The following PDE1A variants were observed in gnomAD, a reference collection of about 807,000 sequenced individuals.
The protein encoded by PDE1A is dual specificity calcium/calmodulin-dependent 3',5'-cyclic nucleotide phosphodiesterase 1A.
PDE1A carries 35 observed loss-of-function variants against 61.7 expected under a neutral mutation model. The ratio of observed to expected loss-of-function variants is 0.57; its 90% CI spans 0.43 to 0.75. The LOEUF (loss-of-function observed/expected upper bound fraction) is 0.75, where lower values mean the gene tolerates loss of function less well. PDE1A is among the 30% of genes least tolerant of loss of function. The pLI is 0.00. For synonymous variants in PDE1A, 232 were observed against 213.2 expected, an observed-to-expected ratio of 1.09 and a Z score of -0.77; for missense variants, 597 against 630.6, an observed-to-expected ratio of 0.95 and a Z score of 0.57.
At chr2:182,239,661 A>G (rs1690343726) in intron 3 of PDE1A, among the ~76,000 whole-genome samples, 2 of 149,824 alleles carry the variant, frequency 1.3e-5, no homozygotes, top group Admixed American at 6.7e-5. Context: ...TTCCTCCATT[A>G]TGGAAAGAAG....
intron 1 of PDE1A, among the ~76,000 whole-genome samples, chr2:182,393,929 T>G (rs373593225): frequency 1.3e-5 from 2 of 152,308 alleles, no homozygotes; most frequent in South Asian, 4.1e-4. Context: ...AACAAGTCTC[T>G]AGGAAGTTCC....
chr2:182,560,594 G>A, the PDE1A span, among the ~76,000 whole-genome samples: 4 of 152,006 alleles, frequency 2.6e-5, no homozygotes, highest in East Asian at 5.8e-4. Flanking sequence ...TGGGATGGCT[G>A]GGTCAAATGG....
At chr2:182,368,698 T>C (rs1699970782) in intron 1 of PDE1A, among the ~76,000 whole-genome samples, 2 of 152,176 alleles carry the variant, frequency 1.3e-5, no homozygotes, top group Non-Finnish European at 2.9e-5. Context: ...GACTGGAAAC[T>C]TGGGATGGGA....
At chr2:182,633,382 A>G in the PDE1A span, among the ~76,000 whole-genome samples, 1 of 152,094 alleles carries the variant, frequency 6.6e-6, no homozygotes, top group Non-Finnish European at 1.5e-5. Flanking sequence ...TCCTACCTAC[A>G]TTATTCTCCT....
intron 13 of PDE1A, among the ~76,000 whole-genome samples, chr2:182,174,589 C>G (rs1692554047): frequency 6.6e-6 from 1 of 152,034 alleles, no homozygotes; most frequent in Non-Finnish European, 1.5e-5. Flanking sequence ...TATTCATACT[C>G]TGTTACAGTC....
intron 1 of PDE1A, among the ~76,000 whole-genome samples, chr2:182,367,606 G>A (rs1474270889): frequency 1.3e-5 from 2 of 152,044 alleles, no homozygotes; most frequent in Non-Finnish European, 2.9e-5. Context: ...ACAAATTAAT[G>A]TGGCAATGTA....
chr2:182,443,700 C>CTTTTTTTT (rs1213330952), intron 2 of PDE1A, among the ~76,000 whole-genome samples: 1 of 134,288 alleles, frequency 7.4e-6, no homozygotes, highest in Non-Finnish European at 1.6e-5. Flanking sequence ...TTCTTTTTTC[C>CTTTTTTTT]TTTTTTTTTT....
chr2:182,607,999 C>T, the PDE1A span, among the ~76,000 whole-genome samples: 1 of 152,204 alleles, frequency 6.6e-6, no homozygotes, highest in Non-Finnish European at 1.5e-5. Context: ...TCAGCATGGG[C>T]TGAGTCCTGG....
chr2:182,413,636 AAAC>A (rs1702747454), intron 1 of PDE1A, among the ~76,000 whole-genome samples: 1 of 152,228 alleles, frequency 6.6e-6, no homozygotes, highest in African/African-American at 2.4e-5. Flanking sequence ...AATATTTCTG[AAAC>A]AACAATTTAC....
intron 1 of PDE1A, among the ~76,000 whole-genome samples, chr2:182,407,449 T>A (rs983461198): frequency 1.3e-5 from 2 of 152,110 alleles, no homozygotes; most frequent in African/African-American, 4.8e-5. Flanking sequence ...TGGTGCCATC[T>A]CAGCTCACTG....
chr2:182,202,492 G>A (rs1369390944), intron 8 of PDE1A, among the ~76,000 whole-genome samples: 1 of 151,990 alleles, frequency 6.6e-6, no homozygotes, highest in Non-Finnish European at 1.5e-5. Context: ...CAATCCTGAG[G>A]GAGCATTAAT....
the PDE1A span, among the ~76,000 whole-genome samples, chr2:182,613,068 C>T: frequency 3.3e-4 from 50 of 152,166 alleles, no homozygotes; most frequent in African/African-American, 1.1e-3. Flanking sequence ...ATTTAAAATT[C>T]GTAGCAAATT....
At chr2:182,158,467 G>C (rs1047331558) in intron 13 of PDE1A, among the ~76,000 whole-genome samples, 2 of 152,080 alleles carry the variant, frequency 1.3e-5, no homozygotes, top group African/African-American at 4.8e-5. Flanking sequence ...GATGTATTTG[G>C]GTTTCTCTGA....
At chr2:182,333,839 C>G (rs1368966818) in intron 1 of PDE1A, among the ~76,000 whole-genome samples, 3 of 151,602 alleles carry the variant, frequency 2.0e-5, no homozygotes, top group Non-Finnish European at 4.4e-5. Context: ...CTAGCCAGAC[C>G]AATAAAGAAG....
At chr2:182,633,719 G>T in the PDE1A span, among the ~76,000 whole-genome samples, 77 of 152,186 alleles carry the variant, frequency 5.1e-4, no homozygotes, top group African/African-American at 1.7e-3. Context: ...TGCATCCTAA[G>T]AGAACATTAC....
At chr2:182,629,693 A>G in the PDE1A span, among the ~76,000 whole-genome samples, 1 of 152,176 alleles carries the variant, frequency 6.6e-6, no homozygotes, top group East Asian at 1.9e-4. Context: ...AGTTCTTATA[A>G]TCAACATTAT....
rs569099050 is a variant in PDE1A, at chr2:182,234,879, G to A, written c.351-381C>T. Among the ~76,000 whole-genome samples the A allele has an allele frequency of 7.9e-5, 12 of 152,194 alleles. No homozygotes were observed. In the East Asian group the frequency reaches 2.3e-3, roughly 29 times the overall value. On this transcript the variant is annotated intron_variant, in intron 3 of 13. Coordinates refer to ENST00000351439, the Ensembl canonical transcript of PDE1A. ...GTCCATTTATATGCCAAAATTTTTAGTCTGGAAGCTAAATGTCATTAAAAT... is the reference window on the plus strand; with the variant it reads ...GTCCATTTATATGCCAAAATTTTTAATCTGGAAGCTAAATGTCATTAAAAT...
chr2:182,203,839 T>G (rs1450871467), intron 8 of PDE1A, among the ~76,000 whole-genome samples: 4 of 151,908 alleles, frequency 2.6e-5, no homozygotes, highest in African/African-American at 9.6e-5. Flanking sequence ...TAATTCTTAG[T>G]AAAATGTTAT....
At chr2:182,457,129 T>C (rs1467722022) in intron 2 of PDE1A, among the ~76,000 whole-genome samples, 1 of 152,020 alleles carries the variant, frequency 6.6e-6, no homozygotes, top group Non-Finnish European at 1.5e-5. Context: ...CCAGGCGAGG[T>C]GTGCTCCATC....
Sources: gnomAD v4.1 joint callset for allele counts (sites outside exome capture counted in the v4.1 genomes callset) on GRCh38, gnomAD v4.1.1 for gene constraint, MANE v1.5 for transcripts, NCBI Gene and HGNC (gene_info 2026-07-23, HGNC 2026-07-21) for gene names.